Variants in CNTNAP2 observed in about 807,000 individuals in gnomAD.
The protein encoded by CNTNAP2 is contactin-associated protein-like 2.
A neutral mutation model predicts 155.2 loss-of-function variants in CNTNAP2; 98 were observed. The ratio of observed to expected loss-of-function variants is 0.63; its 90% CI spans 0.54 to 0.75. The LOEUF is 0.75. CNTNAP2 is among the 30% of genes least tolerant of loss of function. The pLI, the probability that CNTNAP2 is intolerant of heterozygous loss-of-function variation, is 0.00. For synonymous variants in CNTNAP2, 651 were observed against 631.2 expected (o/e 1.03, Z -0.47); for missense variants, 1,727 against 1,688.1 (o/e 1.02, Z -0.40).
At chr7:146,916,283 T>C (rs1796392718) in intron 3 of CNTNAP2, among the ~76,000 whole-genome samples, 1 of 152,178 alleles carries the variant, frequency 6.6e-6, no homozygotes, top group South Asian at 2.1e-4. Context: ...TAGTTTTCCA[T>C]TTTGTTATGT....
At chr7:148,204,450 T>C (rs1585185690) in intron 18 of CNTNAP2, among the ~76,000 whole-genome samples, 2 of 128,078 alleles carry the variant, frequency 1.6e-5, no homozygotes, top group Non-Finnish European at 3.4e-5. Context: ...GGGAATGACT[T>C]TGAATTTCAG....
At chr7:146,998,391 G>C in intron 3 of CNTNAP2, among the ~76,000 whole-genome samples, 1 of 151,974 alleles carries the variant, frequency 6.6e-6, no homozygotes, top group South Asian at 2.1e-4. Context: ...GGTCTGAAAA[G>C]ATACGTGATA....
At chr7:147,881,641 T>G (rs559494079) in intron 13 of CNTNAP2, among the ~76,000 whole-genome samples, 4 of 152,148 alleles carry the variant, frequency 2.6e-5, no homozygotes, top group Non-Finnish European at 5.9e-5. Context: ...AAGAATAGAA[T>G]AGTTAGAATA....
chr7:146,969,307 T>A (rs556764403), intron 3 of CNTNAP2, among the ~76,000 whole-genome samples: 137 of 152,134 alleles, frequency 9.0e-4, no homozygotes, highest in Middle Eastern at 3.4e-3. Context: ...GGTGGAGAGG[T>A]CTGTAGATGT....
At chr7:147,388,072 T>C (rs1012370856) in intron 9 of CNTNAP2, among the ~76,000 whole-genome samples, 1 of 152,250 alleles carries the variant, frequency 6.6e-6, no homozygotes, top group African/African-American at 2.4e-5. Context: ...ATTCCTACTT[T>C]ATTCAGTAGG....
rs550515107 is a variant in CNTNAP2 at position 147,140,795 on chromosome 7, G to A, written c.1348+8286G>A. 7.2e-5 allele frequency among the ~76,000 whole-genome samples: 11 copies of A among 152,230 alleles called. No individual in the cohort carries two copies. In the East Asian group the frequency reaches 2.1e-3, roughly 30 times the overall value. ...ATGCTGTACATAATTTTATGGGCAG[G>A]GGCCAGAAAAGTTGTCCTGTTAGGA... On this transcript the variant is annotated intron_variant, in intron 8 of 23. Transcript: ENST00000361727.
chr7:146,878,497 A>G (rs1168122092), intron 3 of CNTNAP2, among the ~76,000 whole-genome samples: 1 of 151,846 alleles, frequency 6.6e-6, no homozygotes, highest in Non-Finnish European at 1.5e-5. Context: ...GTTAGAAAAG[A>G]TGACCTAAGG....
rs374903916 is a variant in CNTNAP2, at chr7:146,405,980, C to A, written c.97+289007C>A. Among the ~76,000 whole-genome samples, 9 of 152,202 alleles carry A rather than the reference C, an allele frequency of 5.9e-5. No individual in the cohort carries two copies. In the East Asian group the frequency reaches 1.7e-3, roughly 29 times the overall value. On this transcript the variant is annotated intron_variant, in intron 1 of 23. Coordinates refer to ENST00000361727, the MANE Select transcript of CNTNAP2 (RefSeq NM_014141.6). ...AGTATTTGACAGTTTCTGTGAGGAACCATTGACTGAAAACAGTGATCAACC... is the reference window on the plus strand; with the variant it reads ...AGTATTTGACAGTTTCTGTGAGGAAACATTGACTGAAAACAGTGATCAACC...
At chr7:147,283,391 C>T (rs1563145434) in intron 8 of CNTNAP2, among the ~76,000 whole-genome samples, 1 of 151,696 alleles carries the variant, frequency 6.6e-6, no homozygotes, top group Non-Finnish European at 1.5e-5. Flanking sequence ...TACCAACCCT[C>T]CAGATTGCTT....
At position 147,641,575 on chromosome 7, in the gene CNTNAP2, C is replaced by T. The variant is rs934278065; in HGVS notation, c.2098+2269C>T. 2.0e-5 allele frequency among the ~76,000 whole-genome samples: 3 copies of T among 152,072 alleles called. No individual in the cohort carries two copies. In the East Asian group the frequency reaches 5.8e-4, roughly 29 times the overall value. On this transcript the variant is annotated intron_variant, in intron 13 of 23. Transcript: ENST00000361727. ...GGACTGAATTATGTTCCCCCAAATT[C>T]CTGTGTTAAACCCCTAACACCCAAT...
At position 148,063,440 on chromosome 7, in the gene CNTNAP2, T is replaced by G. The variant is rs1044889706; in HGVS notation, c.2384-54678T>G. On this transcript the variant is annotated intron_variant, in intron 15 of 23. Transcript: ENST00000361727. ...CCCACAGCTCATTGGTGCTCTTTCCTTTTTTCTTTTTTCTTTTCTAGTAGC... is the reference window on the plus strand; with the variant it reads ...CCCACAGCTCATTGGTGCTCTTTCCGTTTTTCTTTTTTCTTTTCTAGTAGC... 2.6e-4 allele frequency among the ~76,000 whole-genome samples: 39 copies of G among 151,908 alleles called. 1 individual carries two copies. The highest frequency in any genetic ancestry group is 2.6e-3 in the Admixed American group (39 of 15,258).
intron 13 of CNTNAP2, among the ~76,000 whole-genome samples, chr7:147,825,302 G>T (rs931763974): frequency 2.0e-5 from 3 of 152,180 alleles, no homozygotes; most frequent in African/African-American, 7.2e-5. Context: ...GTAGCACCAG[G>T]TTGGTTGTTA....
intron 3 of CNTNAP2, among the ~76,000 whole-genome samples, chr7:146,846,524 A>C (rs1255382711): frequency 6.6e-6 from 1 of 152,168 alleles, no homozygotes; most frequent in African/African-American, 2.4e-5. Context: ...AATTTTAATA[A>C]GTTGAGTGGA....
chr7:146,411,625 A>G (rs1434665960), intron 1 of CNTNAP2, among the ~76,000 whole-genome samples: 1 of 152,090 alleles, frequency 6.6e-6, no homozygotes, highest in East Asian at 1.9e-4. Flanking sequence ...GGCATTTAAA[A>G]ATTATTAATT....
At chr7:146,595,216 C>A (rs1375781914) in intron 1 of CNTNAP2, among the ~76,000 whole-genome samples, 1 of 151,856 alleles carries the variant, frequency 6.6e-6, no homozygotes, top group Non-Finnish European at 1.5e-5. Flanking sequence ...GATTATAGAC[C>A]CGTGTTATCA....
At chr7:148,409,989 T>C (rs1323927272) in intron 23 of CNTNAP2, among the ~76,000 whole-genome samples, 1 of 69,262 alleles carries the variant, frequency 1.4e-5, no homozygotes, top group Non-Finnish European at 2.8e-5. Flanking sequence ...AGGCGGAGCT[T>C]GCAGTGAGCC....
intron 8 of CNTNAP2, among the ~76,000 whole-genome samples, chr7:147,285,499 TATAAAC>T (rs1401165136): frequency 6.6e-6 from 1 of 152,030 alleles, no homozygotes; most frequent in African/African-American, 2.4e-5. Flanking sequence ...AAGCTTTTGT[TATAAAC>T]ATTTAGAAAA....
At chr7:148,036,488 CT>C (rs1165477658) in intron 15 of CNTNAP2, among the ~76,000 whole-genome samples, 8 of 152,064 alleles carry the variant, frequency 5.3e-5, no homozygotes, top group Non-Finnish European at 1.2e-4. Flanking sequence ...GCCTCTCTTG[CT>C]CTCTCTTGTG....
rs542562958 is a variant in CNTNAP2, at chr7:146,403,473, A to G, written c.97+286500A>G. 2.0e-5 allele frequency among the ~76,000 whole-genome samples: 3 copies of G among 152,298 alleles called. No individual in the cohort carries two copies. In the South Asian group the frequency reaches 6.2e-4, roughly 32 times the overall value. ...TTCGTTTGTAATAAAACTATGAAAC[A>G]CACTATTTGAGATAATGTGAATTCG... On this transcript the variant is annotated intron_variant, in intron 1 of 23. Coordinates refer to ENST00000361727, the MANE Select transcript of CNTNAP2 (RefSeq NM_014141.6).
Sources: allele counts gnomAD v4.1 joint callset (sites outside exome capture counted in the v4.1 genomes callset), GRCh38; gene constraint gnomAD v4.1.1; transcripts MANE v1.5; gene names NCBI Gene and HGNC (gene_info 2026-07-23, HGNC 2026-07-21).